Variants in RBFOX1 observed in about 807,000 individuals in gnomAD.
RBFOX1 encodes the protein RNA binding protein fox-1 homolog 1.
RBFOX1 carries 8 observed loss-of-function variants against 57.7 expected under a neutral mutation model. That is an observed-to-expected ratio of 0.14 (90% CI 0.08 to 0.25). The LOEUF is 0.25. Among genes scored for constraint, RBFOX1 ranks in the 10% least tolerant of loss-of-function variants. The probability of loss-of-function intolerance (pLI) is 1.00; values close to 1 mark genes in which losing one functional copy is unlikely to be tolerated. For missense variants in RBFOX1, 611 were observed against 548.5 expected, an observed-to-expected ratio of 1.11 and a Z score of -1.14; for synonymous variants, 326 against 222.4, an observed-to-expected ratio of 1.47 and a Z score of -4.15.
At chr16:7,568,181 G>A (rs1013318975) in intron 5 of RBFOX1, among the ~76,000 whole-genome samples, 1 of 152,080 alleles carries the variant, frequency 6.6e-6, no homozygotes, top group African/African-American at 2.4e-5. Flanking sequence ...GAGAAGTAAA[G>A]AAACAAAAGA....
chr16:6,919,790 T>C (rs1431301040), intron 3 of RBFOX1, among the ~76,000 whole-genome samples: 1 of 135,246 alleles, frequency 7.4e-6, no homozygotes, highest in Non-Finnish European at 1.6e-5. Context: ...TTTTTTTCAT[T>C]ATTATTATTT....
intron 5 of RBFOX1, among the ~76,000 whole-genome samples, chr16:7,525,495 A>G (rs576565980): frequency 1.8e-4 from 28 of 152,236 alleles, no homozygotes; most frequent in African/African-American, 5.1e-4. Context: ...ACATTGATCA[A>G]TTACCCTACA....
intron 4 of RBFOX1, among the ~76,000 whole-genome samples, chr16:5,939,821 C>A (rs748682643): frequency 6.6e-6 from 1 of 152,092 alleles, no homozygotes; most frequent in Non-Finnish European, 1.5e-5. Flanking sequence ...ACAGCCATAC[C>A]CTGACCATAT....
chr16:7,078,813 G>C (rs2058705108), intron 4 of RBFOX1, among the ~76,000 whole-genome samples: 1 of 147,586 alleles, frequency 6.8e-6, no homozygotes, highest in South Asian at 2.2e-4. Flanking sequence ...CTCCCGAGTA[G>C]CTGGGATTAG....
rs535221024 is a variant in RBFOX1, at chr16:7,648,338, C to T, written c.758-5477C>T. ...CTCCTGGGTTCAAGCGATTCTCCTG[C>T]CTCAGCCTCCCAAGTAGCTGGGACT... On this transcript the variant is annotated intron_variant, in intron 11 of 15. Transcript: ENST00000550418. Among the ~76,000 whole-genome samples the T allele has an allele frequency of 9.2e-5, 14 of 152,212 alleles. No individual in the cohort carries two copies. In the South Asian group the frequency reaches 2.9e-3, roughly 32 times the overall value.
chr16:5,686,410 G>T (rs2050506403), intron 3 of RBFOX1, among the ~76,000 whole-genome samples: 2 of 152,148 alleles, frequency 1.3e-5, no homozygotes, highest in Admixed American at 1.3e-4. Context: ...ATAGAAGAAA[G>T]ACTTCCTGGG....
At chr16:7,112,401 C>T (rs539144219) in intron 4 of RBFOX1, among the ~76,000 whole-genome samples, 2 of 143,382 alleles carry the variant, frequency 1.4e-5, no homozygotes, top group African/African-American at 2.6e-5. Flanking sequence ...TTTGTAGAGA[C>T]GTGGTTTCGC....
At chr16:5,725,564 A>G (rs892296724) in intron 3 of RBFOX1, among the ~76,000 whole-genome samples, 2 of 151,584 alleles carry the variant, frequency 1.3e-5, no homozygotes, top group Non-Finnish European at 2.9e-5. Context: ...CACCCAGCTC[A>G]TAGCTTAAGA....
chr16:5,393,847 C>G (rs1177587145), intron 1 of RBFOX1, among the ~76,000 whole-genome samples: 1 of 152,138 alleles, frequency 6.6e-6, no homozygotes, highest in Non-Finnish European at 1.5e-5. Context: ...CAAATAGAAG[C>G]CCCACACCCA....
intron 2 of RBFOX1, among the ~76,000 whole-genome samples, chr16:6,529,386 C>T (rs2096625174): frequency 6.6e-6 from 1 of 151,872 alleles, no homozygotes; most frequent in African/African-American, 2.4e-5. Context: ...TGGTGATACC[C>T]CATCTCTACT....
At chr16:5,945,408 T>A (rs2059381628) in intron 4 of RBFOX1, among the ~76,000 whole-genome samples, 1 of 152,208 alleles carries the variant, frequency 6.6e-6, no homozygotes, top group Non-Finnish European at 1.5e-5. Flanking sequence ...TGCTGGACAT[T>A]GGCCATGATT....
intron 3 of RBFOX1, among the ~76,000 whole-genome samples, chr16:5,815,277 A>G (rs2055592409): frequency 1.4e-5 from 2 of 148,044 alleles, no homozygotes; most frequent in Non-Finnish European, 3.0e-5. Context: ...TACAGGTGTG[A>G]GCCATCGTGC....
At chr16:7,290,048 G>C (rs935235082) in intron 4 of RBFOX1, among the ~76,000 whole-genome samples, 1 of 151,932 alleles carries the variant, frequency 6.6e-6, no homozygotes, top group South Asian at 2.1e-4. Context: ...TGCTTCCCAG[G>C]GTTACATGGC....
intron 5 of RBFOX1, among the ~76,000 whole-genome samples, chr16:7,555,696 C>T (rs1160469872): frequency 2.0e-5 from 3 of 152,172 alleles, no homozygotes; most frequent in African/African-American, 7.2e-5. Context: ...AGGACCTTTG[C>T]ACTGGCTGTG....
At chr16:6,852,940 C>G (rs1006994999) in intron 3 of RBFOX1, among the ~76,000 whole-genome samples, 1 of 152,180 alleles carries the variant, frequency 6.6e-6, no homozygotes, top group Non-Finnish European at 1.5e-5. Context: ...AAGGAGGATG[C>G]TGGGACTGTG....
At chr16:6,867,135 G>C (rs2060080048) in intron 3 of RBFOX1, among the ~76,000 whole-genome samples, 1 of 152,254 alleles carries the variant, frequency 6.6e-6, no homozygotes, top group East Asian at 1.9e-4. Context: ...TCAGGTTTTA[G>C]CTTGGAGATG....
intron 4 of RBFOX1, among the ~76,000 whole-genome samples, chr16:7,231,216 C>A (rs1567812125): frequency 6.6e-6 from 1 of 152,146 alleles, no homozygotes; most frequent in Non-Finnish European, 1.5e-5. Context: ...CTAGAATACG[C>A]TTGTTTATGT....
At chr16:5,301,555 C>CT (rs1188954374) in intron 1 of RBFOX1, among the ~76,000 whole-genome samples, 7 of 143,078 alleles carry the variant, frequency 4.9e-5, no homozygotes, top group African/African-American at 2.5e-5. Flanking sequence ...GGAGGCAGAG[C>CT]TTGCAGTGAG....
intron 2 of RBFOX1, among the ~76,000 whole-genome samples, chr16:5,486,549 C>A (rs2151658053): frequency 6.6e-6 from 1 of 152,346 alleles, no homozygotes; most frequent in East Asian, 1.9e-4. Context: ...GAATCTCCAC[C>A]TGCCAGTTAC....
Sources: gnomAD v4.1 joint callset for allele counts (sites outside exome capture counted in the v4.1 genomes callset) on GRCh38, gnomAD v4.1.1 for gene constraint, MANE v1.5 for transcripts, NCBI Gene and HGNC (gene_info 2026-07-23, HGNC 2026-07-21) for gene names.